Variants in CCDC32 observed in about 807,000 individuals in gnomAD.
The protein encoded by CCDC32 is coiled-coil domain containing 32.
Under a neutral mutation model 20.1 loss-of-function variants are expected in CCDC32, and 9 were observed. The observed-to-expected ratio is 0.45, with a 90% CI of 0.27 to 0.78. CCDC32 has a LOEUF of 0.78. Among genes scored for constraint, CCDC32 ranks in the 30% least tolerant of loss-of-function variants. The pLI is 0.16. For missense variants in CCDC32, 204 were observed against 215.5 expected (o/e 0.95, Z 0.33); for synonymous variants, 63 against 79.0 (o/e 0.80, Z 1.07).
chr15:40,532,202 A>G, downstream of CCDC32: 1 of 674,828 alleles, frequency 1.5e-6, no homozygotes, highest in South Asian at 1.6e-5. Context: ...GTCAAGGGAT[A>G]GGTTTTGTGC....
intron 1 of CCDC32, among the ~76,000 whole-genome samples, chr15:40,564,317 T>C (rs1890876405): frequency 1.3e-5 from 2 of 152,142 alleles, no homozygotes; most frequent in Non-Finnish European, 2.9e-5. Flanking sequence ...ATTTTCACCA[T>C]TTTACAGATG....
Position 40,562,820 on chromosome 15 carries a change from T to C in CCDC32, c.196A>G (p.Lys66Glu). ...GAATCCTGCAAGGGAGCCCAAGGCT[T>C]TACAGCTGGCTGGACAGCAAAGTCA... Reference protein sequence around the residue: ...VADFAVQPAVKPWAPLQDSEV... With the variant: ...VADFAVQPAVEPWAPLQDSEV... The change falls in exon 2 of 4, where the codon AAG becomes GAG. Residue 66 changes from lysine (K) to glutamate (E), a missense_variant. Lys to Glu is a moderately conservative substitution (Grantham distance 56). Transcript: ENST00000416810. 6.2e-7 allele frequency: 1 copy of C among 1,614,200 alleles called. No individual in the cohort carries two copies. Among genetic ancestry groups the C allele is most frequent in the Non-Finnish European group, 8.5e-7 (1 of 1,180,030 alleles).
downstream of CCDC32, chr15:40,534,927 G>C: frequency 1.4e-6 from 1 of 702,546 alleles, no homozygotes; most frequent in African/African-American, 1.7e-5. Flanking sequence ...TCAGATGTCA[G>C]GGTCTGAAGG....
chr15:40,533,282 G>T (rs554735516), downstream of CCDC32, among the ~76,000 whole-genome samples: 2 of 152,306 alleles, frequency 1.3e-5, no homozygotes, highest in South Asian at 2.1e-4. Flanking sequence ...TAATGCTGAA[G>T]AATTAAATGT....
At chr15:40,563,273 G>A (rs1341823643) in intron 1 of CCDC32, among the ~76,000 whole-genome samples, 2 of 152,148 alleles carry the variant, frequency 1.3e-5, no homozygotes, top group African/African-American at 2.4e-5. Context: ...TGAGGTAGGA[G>A]GATCACCTTA....
At chr15:40,536,617 G>C (rs78881607), downstream of CCDC32, 1 of 152,336 alleles carries the variant, frequency 6.6e-6, no homozygotes, top group East Asian at 1.9e-4. Flanking sequence ...TGGCCAGGGG[G>C]AGCTGGGTGG....
At chr15:40,530,396 T>C (rs1888837017), downstream of CCDC32, among the ~76,000 whole-genome samples, 1 of 150,812 alleles carries the variant, frequency 6.6e-6, no homozygotes, top group Admixed American at 6.6e-5. Context: ...GTACTGTCCT[T>C]ATGGTAGTGA....
chr15:40,528,784 CA>C lies in CCDC32; in HGVS notation c.407del (p.Leu136Ter). ...AGCCCTTAGCACAGATCCCATTTCT[CA>C]AAAAACTATTAAAAAAAAGAGAAGA... On this transcript the variant is annotated frameshift_variant, in exon 4 of 4. Transcript: ENST00000560305. LOFTEE classifies it low-confidence loss of function (END_TRUNC). The C allele has an allele frequency of 1.4e-6, 1 of 698,040 alleles. No homozygotes were observed. The highest frequency in any genetic ancestry group is 2.6e-6 in the Non-Finnish European group (1 of 383,894). The allele number at this position is 698,040 out of a possible 1,614,324, so 43.2% of individuals were successfully genotyped here. A position where few individuals can be genotyped will look rare whatever the true frequency, so the allele number is the denominator to read the frequency against.
downstream of CCDC32, chr15:40,538,964 C>G: frequency 4.2e-6 from 2 of 475,156 alleles, no homozygotes; most frequent in Middle Eastern, 5.9e-4. Context: ...GTGGGCTCAC[C>G]GCAGGAGCCT....
chr15:40,541,156 T>C (rs1889375278), intron 3 of CCDC32, among the ~76,000 whole-genome samples: 1 of 152,194 alleles, frequency 6.6e-6, no homozygotes. Flanking sequence ...TGGTACATGC[T>C]CAGTTTCCCT....
chr15:40,554,645 A>G (rs940956593), intron 3 of CCDC32, among the ~76,000 whole-genome samples: 1 of 151,884 alleles, frequency 6.6e-6, no homozygotes, highest in African/African-American at 2.4e-5. Flanking sequence ...ATTTCATCCT[A>G]TAGCAAGTCC....
At chr15:40,539,081 C>G, downstream of CCDC32, 4 of 632,296 alleles carry the variant, frequency 6.3e-6, no homozygotes, top group Non-Finnish European at 1.1e-5. Context: ...CTCAGCTTCT[C>G]CCTTTCTTCA....
chr15:40,539,671 C>T (rs912253900), intron 3 of CCDC32, among the ~76,000 whole-genome samples: 4 of 152,152 alleles, frequency 2.6e-5, no homozygotes, highest in Non-Finnish European at 4.4e-5. Flanking sequence ...TGCCCCTGCT[C>T]CCATCCCAGG....
intron 3 of CCDC32, chr15:40,539,435 G>A (rs1889280112): frequency 1.6e-6 from 2 of 1,253,912 alleles, no homozygotes; most frequent in Non-Finnish European, 2.2e-6. Flanking sequence ...GAGTCAAAGA[G>A]AGACAGGCAT....
the CCDC32 span, among the ~76,000 whole-genome samples, chr15:40,523,398 G>A: frequency 1.3e-5 from 2 of 151,540 alleles, no homozygotes; most frequent in African/African-American, 4.8e-5. Context: ...TAGCTACTCA[G>A]GAGGCTGAGG....
rs1373557863 is a variant in CCDC32, at chr15:40,529,736, A to G, written c.402-946T>C. 6.3e-5 allele frequency: 9 copies of G among 141,968 alleles called. No individual in the cohort carries two copies. The East Asian group carries it at 1.8e-3, about 29-fold the overall frequency. The allele number at this position is 141,968 out of a possible 1,614,324, so 8.8% of individuals were successfully genotyped here. A position where few individuals can be genotyped will look rare whatever the true frequency, so the allele number is the denominator to read the frequency against. On this transcript the variant is annotated intron_variant, in intron 3 of 3. Coordinates refer to the CCDC32 transcript ENST00000560305. Reference sequence around the variant, plus strand: ...GAGTGCAGTGGCGCGATCTCGGCTCACTGCAAACTCCGCCTCCCGGGTTCA... The same window carrying G: ...GAGTGCAGTGGCGCGATCTCGGCTCGCTGCAAACTCCGCCTCCCGGGTTCA...
intron 3 of CCDC32, among the ~76,000 whole-genome samples, chr15:40,546,193 CTT>C (rs527377715): frequency 0.024 from 3,346 of 141,624 alleles, 124 homozygotes; most frequent in African/African-American, 0.083. Flanking sequence ...TTTTTCTTTC[CTT>C]TTTTTTTTTT....
downstream of CCDC32, chr15:40,534,599 G>A (rs114651153): frequency 0.011 from 3,201 of 286,950 alleles, 59 homozygotes; most frequent in African/African-American, 0.046. Flanking sequence ...CCCACCACAC[G>A]TGGGGATTGT....
intron 3 of CCDC32, among the ~76,000 whole-genome samples, chr15:40,555,354 A>C (rs1890166058): frequency 6.6e-6 from 1 of 152,234 alleles, no homozygotes; most frequent in South Asian, 2.1e-4. Flanking sequence ...AATACGTAGG[A>C]ACATGCTGAT....
Sources: allele counts gnomAD v4.1 joint callset (sites outside exome capture counted in the v4.1 genomes callset), GRCh38; gene constraint gnomAD v4.1.1; transcripts MANE v1.5; gene names NCBI Gene and HGNC (gene_info 2026-07-23, HGNC 2026-07-21).